The following CA8 variants were observed in gnomAD, a reference collection of about 807,000 sequenced individuals.
The protein encoded by CA8 is carbonic anhydrase-related protein.
CA8 carries 22 observed loss-of-function variants against 41.4 expected under a neutral mutation model. The observed-to-expected ratio is 0.53, with a 90% CI of 0.38 to 0.76. The LOEUF (loss-of-function observed/expected upper bound fraction) is 0.76. CA8 is among the 30% of genes least tolerant of loss of function. The pLI, the probability that CA8 is intolerant of heterozygous loss-of-function variation, is 0.00. For missense variants in CA8, 270 were observed against 352.8 expected, an observed-to-expected ratio of 0.77 and a Z score of 1.88; for synonymous variants, 121 against 130.6, an observed-to-expected ratio of 0.93 and a Z score of 0.50.
At chr8:60,207,000 C>T (rs761512302) in intron 8 of CA8, among the ~76,000 whole-genome samples, 1 of 152,154 alleles carries the variant, frequency 6.6e-6, no homozygotes, top group Non-Finnish European at 1.5e-5. Context: ...GCCTCCTGCC[C>T]CACCCCAGCC....
intron 3 of CA8, among the ~76,000 whole-genome samples, chr8:60,243,495 T>C (rs974885402): frequency 6.6e-6 from 1 of 151,852 alleles, no homozygotes; most frequent in African/African-American, 2.4e-5. Context: ...CACAGGTAAC[T>C]GTTTAAAAAA....
At chr8:60,230,371 G>C (rs990907874) in intron 4 of CA8, among the ~76,000 whole-genome samples, 1 of 151,790 alleles carries the variant, frequency 6.6e-6, no homozygotes, top group African/African-American at 2.4e-5. Flanking sequence ...AGCTCTTATT[G>C]CTCAGGGAAA....
At chr8:60,190,537 G>A (rs1344584954) in intron 8 of CA8, among the ~76,000 whole-genome samples, 2 of 146,182 alleles carry the variant, frequency 1.4e-5, no homozygotes, top group East Asian at 4.0e-4. Context: ...AACAACATCA[G>A]CTAAGATTTT....
chr8:60,190,924 T>TGC (rs1330078294), intron 8 of CA8, among the ~76,000 whole-genome samples: 2 of 94,594 alleles, frequency 2.1e-5, no homozygotes, highest in Middle Eastern at 6.4e-3. Context: ...TGGACACACC[T>TGC]GCACACACAC....
At chr8:60,251,542 G>A (rs918109930) in intron 3 of CA8, among the ~76,000 whole-genome samples, 4 of 152,052 alleles carry the variant, frequency 2.6e-5, no homozygotes. Context: ...ACAACATACG[G>A]GTCTCCTGAG....
At chr8:60,254,376 T>G (rs750768280) in intron 3 of CA8, among the ~76,000 whole-genome samples, 3 of 152,262 alleles carry the variant, frequency 2.0e-5, no homozygotes, top group African/African-American at 2.4e-5. Context: ...GGTACAGCCT[T>G]GATTCCACTA....
chr8:60,198,288 C>T (rs1806334692), intron 8 of CA8, among the ~76,000 whole-genome samples: 1 of 152,094 alleles, frequency 6.6e-6, no homozygotes, highest in Non-Finnish European at 1.5e-5. Context: ...GTTACGAGGA[C>T]TAAATGAGAC....
At chr8:60,257,018 T>C (rs1808663664) in intron 3 of CA8, among the ~76,000 whole-genome samples, 1 of 152,142 alleles carries the variant, frequency 6.6e-6, no homozygotes, top group Non-Finnish European at 1.5e-5. Context: ...TCTTGCTCTG[T>C]CACCCAGGCT....
At chr8:60,262,092 T>C (rs1803751864) in intron 3 of CA8, among the ~76,000 whole-genome samples, 2 of 152,180 alleles carry the variant, frequency 1.3e-5, no homozygotes, top group Admixed American at 1.3e-4. Flanking sequence ...GAGTAGCTAT[T>C]CGTGTATAAA....
intron 2 of CA8, among the ~76,000 whole-genome samples, chr8:60,270,114 G>A (rs1185544528): frequency 6.6e-6 from 1 of 152,238 alleles, no homozygotes; most frequent in Admixed American, 6.5e-5. Flanking sequence ...ATGCTTACGA[G>A]CTGGGATTTC....
intron 3 of CA8, among the ~76,000 whole-genome samples, chr8:60,255,044 T>C (rs1051401723): frequency 6.6e-6 from 1 of 152,234 alleles, no homozygotes; most frequent in African/African-American, 2.4e-5. Context: ...AGTGGGGAAT[T>C]TGAGAGAGTC....
chr8:60,264,858 A>T (rs533061345), intron 3 of CA8: 5 of 152,164 alleles, frequency 3.3e-5, no homozygotes, highest in Non-Finnish European at 5.9e-5. Flanking sequence ...ACTTCAACAG[A>T]ATACTCTAAA....
intron 6 of CA8, among the ~76,000 whole-genome samples, chr8:60,223,292 A>AT (rs113084249): frequency 0.027 from 4,053 of 149,970 alleles, 188 homozygotes; most frequent in African/African-American, 0.093. Context: ...CATAACCTGT[A>AT]TTTTTTTTTT....
rs758159341 is a variant in CA8, at chr8:60,222,751, C to T, written c.636G>A (p.Leu212=). 1.2e-6 allele frequency: 2 copies of T among 1,611,420 alleles called. No individual in the cohort carries two copies. The highest frequency in any genetic ancestry group is 2.2e-5 in the South Asian group (2 of 91,046). ...NPNTLLPDPL[L]RDYWVYEGSL... is the part of the protein sequence containing the mutation. Reference sequence around the variant, plus strand: ...AGCCTTCATACACCCAGTAATCCCGCAGCAGAGGGTCTGCACAGCCACGTG... The same window carrying T: ...AGCCTTCATACACCCAGTAATCCCGTAGCAGAGGGTCTGCACAGCCACGTG... Residue 212 remains leucine (L), a synonymous_variant, in exon 7 of 9, where the codon CTG becomes CTA. Transcript: ENST00000317995.
chr8:60,221,927 G>T (rs1807265034), intron 7 of CA8, among the ~76,000 whole-genome samples: 1 of 152,146 alleles, frequency 6.6e-6, no homozygotes, highest in African/African-American at 2.4e-5. Context: ...TATTTCCCAG[G>T]CCTTTTGAGG....
At chr8:60,244,875 T>C (rs1036347786) in intron 3 of CA8, among the ~76,000 whole-genome samples, 1 of 152,178 alleles carries the variant, frequency 6.6e-6, no homozygotes, top group African/African-American at 2.4e-5. Context: ...CAGAACCTGT[T>C]TATTAGAAAT....
chr8:60,223,132 AC>A (rs1388433403), intron 6 of CA8, among the ~76,000 whole-genome samples: 4 of 152,188 alleles, frequency 2.6e-5, no homozygotes, highest in Non-Finnish European at 4.4e-5. Context: ...AATTCATTTA[AC>A]CTTCACAACA....
At chr8:60,236,140 T>A (rs1483029946) in intron 3 of CA8, among the ~76,000 whole-genome samples, 1 of 152,190 alleles carries the variant, frequency 6.6e-6, no homozygotes, top group Admixed American at 6.5e-5. Context: ...CAACAGACTT[T>A]GAGTAAAGCT....
intron 8 of CA8, among the ~76,000 whole-genome samples, chr8:60,202,748 C>T (rs575312339): frequency 2.0e-4 from 31 of 152,124 alleles, no homozygotes; most frequent in Admixed American, 5.9e-4. Flanking sequence ...AAGATCACAA[C>T]GAATGCTTTG....
Sources: gnomAD v4.1 joint callset for allele counts (sites outside exome capture counted in the v4.1 genomes callset) on GRCh38, gnomAD v4.1.1 for gene constraint, MANE v1.5 for transcripts, NCBI Gene and HGNC (gene_info 2026-07-23, HGNC 2026-07-21) for gene names.